ITPRID1: variants seen among roughly 807,000 people sequenced by gnomAD.
The protein encoded by ITPRID1 is protein ITPRID1.
A neutral mutation model predicts 95.4 loss-of-function variants in ITPRID1; 96 were observed. The ratio of observed to expected loss-of-function variants is 1.01; its 90% CI spans 0.85 to 1.19. ITPRID1 has a LOEUF of 1.19. ITPRID1 is among the 50% of genes most tolerant of loss of function. The probability of loss-of-function intolerance (pLI) is 0.00; values close to 1 mark genes in which losing one functional copy is unlikely to be tolerated. For synonymous variants in ITPRID1, 510 were observed against 453.6 expected, an observed-to-expected ratio of 1.12 and a Z score of -1.58; for missense variants, 1,339 against 1,252.9, an observed-to-expected ratio of 1.07 and a Z score of -1.04.
intron 12 of ITPRID1, among the ~76,000 whole-genome samples, chr7:31,644,476 GTGTGTTACTCTTATA>G (rs962308594): frequency 3.9e-5 from 6 of 152,190 alleles, no homozygotes; most frequent in Non-Finnish European, 7.3e-5. Flanking sequence ...AATTGTGTGG[GTGTGTTACTCTTATA>G]TGTGTTACTC....
chr7:31,532,335 CTAATTT>C (rs1219988060), intron 1 of ITPRID1, among the ~76,000 whole-genome samples: 2 of 151,986 alleles, frequency 1.3e-5, no homozygotes, highest in African/African-American at 4.8e-5. Flanking sequence ...TTCTTCCTTT[CTAATTT>C]TATTTCTTTT....
At chr7:31,609,718 G>T (rs1243689371) in intron 10 of ITPRID1, among the ~76,000 whole-genome samples, 1 of 151,038 alleles carries the variant, frequency 6.6e-6, no homozygotes, top group African/African-American at 2.4e-5. Context: ...GTCAGTTTTG[G>T]TGATCTTTTC....
chr7:31,587,415 A>G (rs1444746739), intron 10 of ITPRID1, among the ~76,000 whole-genome samples: 4 of 151,820 alleles, frequency 2.6e-5, no homozygotes, highest in Non-Finnish European at 4.4e-5. Context: ...TACAATACCT[A>G]GGAATCCAAC....
In ITPRID1 at chr7:31,643,958, G is replaced by T. The variant is rs778620977; in HGVS notation, c.2583+5G>T. 6.3e-7 allele frequency: 1 copy of T among 1,597,266 alleles called. No homozygotes were observed. Reference sequence around the variant, plus strand: ...ACAGTGAGGGAGCTATGTTCCGTAAGTGTTCACCCTGGCAAAGATGGAAAG... The same window carrying T: ...ACAGTGAGGGAGCTATGTTCCGTAATTGTTCACCCTGGCAAAGATGGAAAG... On this transcript the variant is annotated splice_donor_5th_base_variant and intron_variant, in intron 12 of 14. Coordinates refer to ENST00000615280, the MANE Select transcript of ITPRID1 (RefSeq NM_001257967.3).
chr7:31,644,806 A>G (rs1356619305), intron 12 of ITPRID1, among the ~76,000 whole-genome samples: 2 of 152,228 alleles, frequency 1.3e-5, no homozygotes, highest in Non-Finnish European at 2.9e-5. Context: ...TAGAGAGTTG[A>G]AAAGGTGAAG....
At chr7:31,620,417 A>G (rs1365868529) in intron 10 of ITPRID1, among the ~76,000 whole-genome samples, 1 of 151,838 alleles carries the variant, frequency 6.6e-6, no homozygotes, top group Non-Finnish European at 1.5e-5. Context: ...CAAAACTTCC[A>G]GAGGAACGAT....
Position 31,653,591 on chromosome 7 carries a change from G to A in ITPRID1, c.*762G>A, listed in dbSNP as rs776142907. 2 of 152,156 alleles carry A rather than the reference G, an allele frequency of 1.3e-5. No individual in the cohort carries two copies. Among genetic ancestry groups the A allele is most frequent in the Non-Finnish European group, 2.9e-5 (2 of 68,032 alleles). 9.4% of individuals were successfully genotyped at this position (152,156 alleles called of 1,614,324 possible). A position where few individuals can be genotyped will look rare whatever the true frequency, so the allele number is the denominator to read the frequency against. On this transcript the variant is annotated 3_prime_UTR_variant, in exon 15 of 15. Coordinates refer to ENST00000615280, the MANE Select transcript of ITPRID1 (RefSeq NM_001257967.3). ...TTTAGGGACCACAAGGAATTTCCCA[G>A]TGGGCAAATTGTGAGGGAGGTATTT...
At chr7:31,578,456 C>T in intron 9 of ITPRID1, 22 bp downstream of exon 9, 4 of 1,536,104 alleles carry the variant, frequency 2.6e-6, no homozygotes, top group East Asian at 2.3e-5. Flanking sequence ...ACCAACGTAC[C>T]AGCCTCCTAA....
intron 10 of ITPRID1, among the ~76,000 whole-genome samples, chr7:31,622,895 T>C (rs1198870966): frequency 2.0e-5 from 3 of 151,916 alleles, no homozygotes; most frequent in South Asian, 2.1e-4. Context: ...AAGACTCAAA[T>C]AGACACAATA....
rs1790180218 is a variant in ITPRID1, at chr7:31,643,182, T to C, written c.1812T>C (p.His604=). The change falls in exon 12 of 15, where the codon CAT becomes CAC. Residue 604 remains histidine (H), a synonymous_variant. Coordinates refer to ENST00000615280, the MANE Select transcript of ITPRID1 (RefSeq NM_001257967.3). ...CTCAAAGGTCACCTGGAAATGATCATACTCAAGACAAGTTCCTTCATGTTG... is the reference window on the plus strand; with the variant it reads ...CTCAAAGGTCACCTGGAAATGATCACACTCAAGACAAGTTCCTTCATGTTG... ...NESQRSPGND[H]TQDKFLHVDS... is the part of the protein sequence containing the mutation. 1 of 1,613,846 alleles carries C rather than the reference T, an allele frequency of 6.2e-7. No homozygotes were observed. The highest frequency in any genetic ancestry group is 1.1e-5 in the South Asian group (1 of 91,080).
intron 10 of ITPRID1, among the ~76,000 whole-genome samples, chr7:31,639,510 A>G (rs1789809274): frequency 6.8e-6 from 1 of 147,994 alleles, no homozygotes; most frequent in Non-Finnish European, 1.5e-5. Flanking sequence ...CATACAGGAT[A>G]TAGTTTTTCT....
chr7:31,604,276 CAG>C (rs1218485252), intron 10 of ITPRID1, among the ~76,000 whole-genome samples: 1 of 152,190 alleles, frequency 6.6e-6, no homozygotes, highest in Non-Finnish European at 1.5e-5. Flanking sequence ...TCCCATTTTA[CAG>C]ATGAGGGAAC....
intron 10 of ITPRID1, among the ~76,000 whole-genome samples, chr7:31,625,761 T>G (rs1417388735): frequency 6.6e-6 from 1 of 151,954 alleles, no homozygotes; most frequent in African/African-American, 2.4e-5. Flanking sequence ...ACCCTAAACT[T>G]AAAGTATAAT....
intron 5 of ITPRID1, among the ~76,000 whole-genome samples, chr7:31,560,407 A>G (rs7784153): frequency 0.58 from 87,660 of 152,048 alleles, 26,498 homozygotes; most frequent in Middle Eastern, 0.71. Context: ...GGTTCTTTTT[A>G]AAAGAACAAC....
chr7:31,561,039 G>A (rs981885044), intron 5 of ITPRID1, among the ~76,000 whole-genome samples: 5 of 152,086 alleles, frequency 3.3e-5, no homozygotes, highest in African/African-American at 1.2e-4. Context: ...AGTGTGTCAC[G>A]GTGGGAATGA....
chr7:31,597,616 C>T (rs1332548017), intron 10 of ITPRID1, among the ~76,000 whole-genome samples: 2 of 151,914 alleles, frequency 1.3e-5, no homozygotes, highest in Non-Finnish European at 2.9e-5. Context: ...ATAAATATTA[C>T]TATGTCTTAT....
intron 10 of ITPRID1, among the ~76,000 whole-genome samples, chr7:31,620,439 A>C (rs1787747315): frequency 6.6e-6 from 1 of 151,850 alleles, no homozygotes. Flanking sequence ...AGACAGCAGC[A>C]TTCGAGATTC....
intron 10 of ITPRID1, among the ~76,000 whole-genome samples, chr7:31,587,350 C>A (rs912830154): frequency 7.6e-4 from 116 of 152,042 alleles, no homozygotes; most frequent in Admixed American, 2.3e-3. Flanking sequence ...CAATAACAGA[C>A]AAACAGAGAG....
chr7:31,602,784 G>A (rs576741941), intron 10 of ITPRID1, among the ~76,000 whole-genome samples: 3 of 152,194 alleles, frequency 2.0e-5, no homozygotes, highest in Admixed American at 2.0e-4. Flanking sequence ...CTGAGGCTGG[G>A]AAGTATTTTC....
Sources: allele counts gnomAD v4.1 joint callset (sites outside exome capture counted in the v4.1 genomes callset), GRCh38; gene constraint gnomAD v4.1.1; transcripts MANE v1.5; gene names NCBI Gene and HGNC (gene_info 2026-07-23, HGNC 2026-07-21).